GALNT2: variants seen among roughly 807,000 people sequenced by gnomAD.
GALNT2 encodes polypeptide N-acetylgalactosaminyltransferase 2, also known as UDP-GalNAc:polypeptide N-acetylgalactosaminyltransferase 2.
Under a neutral mutation model 81.4 loss-of-function variants are expected in GALNT2, and 31 were observed. That is an observed-to-expected ratio of 0.38 (90% CI 0.29 to 0.51). GALNT2 has a LOEUF of 0.51. Ranked by LOEUF, GALNT2 falls within the 20% of genes least tolerant of loss-of-function variation. The probability of loss-of-function intolerance (pLI) is 0.87; values close to 1 mark genes in which losing one functional copy is unlikely to be tolerated. For missense variants in GALNT2, 629 were observed against 765.7 expected (o/e 0.82, Z 2.11); for synonymous variants, 303 against 287.4 (o/e 1.05, Z -0.55).
chr1:230,152,395 G>A (rs574643626), intron 1 of GALNT2, among the ~76,000 whole-genome samples: 5 of 152,280 alleles, frequency 3.3e-5, no homozygotes, highest in African/African-American at 4.8e-5. Flanking sequence ...ATTGTAAGTT[G>A]TGACTCAGTA....
intron 3 of GALNT2, among the ~76,000 whole-genome samples, chr1:230,217,735 G>A (rs1433099788): frequency 1.3e-5 from 2 of 152,126 alleles, no homozygotes; most frequent in Non-Finnish European, 1.5e-5. Context: ...CTTCCAGAGG[G>A]GACAAATGCT....
intron 13 of GALNT2, 147 bp downstream of exon 13, chr1:230,263,152 G>T: frequency 1.5e-6 from 1 of 651,832 alleles, no homozygotes; most frequent in Non-Finnish European, 2.7e-6. Flanking sequence ...CTCACTCCAT[G>T]GTGTGGAGCT....
intron 2 of GALNT2, among the ~76,000 whole-genome samples, chr1:230,196,654 T>A (rs1189856188): frequency 6.6e-6 from 1 of 152,172 alleles, no homozygotes; most frequent in Non-Finnish European, 1.5e-5. Flanking sequence ...CACAGGCTTC[T>A]GCATTCTTGC....
At chr1:230,169,219 G>C (rs1662711281) in intron 1 of GALNT2, among the ~76,000 whole-genome samples, 1 of 152,194 alleles carries the variant, frequency 6.6e-6, no homozygotes, top group Admixed American at 6.5e-5. Context: ...GTAAAGGCTG[G>C]ACCCCCAGAT....
At chr1:230,200,432 C>CGG (rs1320321675) in intron 2 of GALNT2, among the ~76,000 whole-genome samples, 1 of 152,174 alleles carries the variant, frequency 6.6e-6, no homozygotes. Context: ...GCATGGGTCA[C>CGG]GGGCCTGTGT....
Position 230,243,280 on chromosome 1 carries a change from A to C in GALNT2, c.608-26A>C. ...CTGGCCCTGTGGCTTCTCTCTCCTG[A>C]CGTGCTTTCCAACTCGCCTCTGCAG... On this transcript the variant is annotated intron_variant, in intron 6 of 15. Coordinates refer to ENST00000366672, the MANE Select transcript of GALNT2 (RefSeq NM_004481.5). The surrounding 1 kb of genome is among the most constrained non-coding windows in gnomAD (Gnocchi z 4.2). The C allele has an allele frequency of 6.3e-7, 1 of 1,582,702 alleles. No individual in the cohort carries two copies. Among genetic ancestry groups the C allele is most frequent in the Non-Finnish European group, 8.6e-7 (1 of 1,166,840 alleles).
intron 3 of GALNT2, among the ~76,000 whole-genome samples, chr1:230,233,807 C>CA: frequency 6.6e-6 from 1 of 152,096 alleles, no homozygotes; most frequent in East Asian, 1.9e-4. Flanking sequence ...ATATGAGACT[C>CA]AAAGAAGGGC....
At chr1:230,089,551 C>T (rs911276375) in intron 1 of GALNT2, among the ~76,000 whole-genome samples, 1 of 152,120 alleles carries the variant, frequency 6.6e-6, no homozygotes, top group Non-Finnish European at 1.5e-5. Context: ...ACTCTGTACC[C>T]AAAAAACAGT....
At chr1:230,183,069 A>C (rs182653705) in intron 2 of GALNT2, among the ~76,000 whole-genome samples, 1 of 152,310 alleles carries the variant, frequency 6.6e-6, no homozygotes, top group African/African-American at 2.4e-5. Flanking sequence ...TAATATAGCT[A>C]TTCTTACTTT....
At chr1:230,165,243 T>G (rs1232274520) in intron 1 of GALNT2, among the ~76,000 whole-genome samples, 3 of 152,212 alleles carry the variant, frequency 2.0e-5, no homozygotes, top group Non-Finnish European at 4.4e-5. Flanking sequence ...ATATAGTTGT[T>G]TCATTGTGTA....
chr1:230,239,398 C>G (rs1453391606), intron 6 of GALNT2, among the ~76,000 whole-genome samples: 3 of 152,174 alleles, frequency 2.0e-5, no homozygotes, highest in Non-Finnish European at 4.4e-5. Flanking sequence ...GAAGCCAGTC[C>G]AAGTCCCAAA....
At chr1:230,220,273 G>A (rs1306750284) in intron 3 of GALNT2, among the ~76,000 whole-genome samples, 1 of 106,840 alleles carries the variant, frequency 9.4e-6, no homozygotes, top group Non-Finnish European at 1.7e-5. Flanking sequence ...TTTTTCCAAG[G>A]TGTTTTTGTT....
At chr1:230,242,072 A>T (rs1387935104) in intron 6 of GALNT2, among the ~76,000 whole-genome samples, 1 of 151,818 alleles carries the variant, frequency 6.6e-6, no homozygotes, top group Non-Finnish European at 1.5e-5. Flanking sequence ...GAAGCTCTGA[A>T]CTCTCTATCC....
intron 1 of GALNT2, among the ~76,000 whole-genome samples, chr1:230,107,488 G>C (rs983598445): frequency 6.6e-6 from 1 of 152,072 alleles, no homozygotes; most frequent in Non-Finnish European, 1.5e-5. Context: ...GCTGAGACGG[G>C]AGCATTGCTT....
intron 3 of GALNT2, among the ~76,000 whole-genome samples, chr1:230,206,949 T>C (rs1427954302): frequency 6.6e-6 from 1 of 151,912 alleles, no homozygotes; most frequent in African/African-American, 2.4e-5. Flanking sequence ...TTGACCATCT[T>C]CCCTAGGAGT....
chr1:230,276,584 C>T (rs572469849), intron 15 of GALNT2, among the ~76,000 whole-genome samples: 12 of 152,298 alleles, frequency 7.9e-5, no homozygotes, highest in African/African-American at 1.9e-4. Context: ...GTCAGGGAGA[C>T]GCCTGCAGAG....
In GALNT2 at chr1:230,158,965, CTGCAGCAATTTATTA is replaced by C. The variant is rs1445140316; in HGVS notation, c.127-19251_127-19237del. Among the ~76,000 whole-genome samples, 8 of 152,268 alleles carry C rather than the reference CTGCAGCAATTTATTA, an allele frequency of 5.3e-5. No individual in the cohort carries two copies. The East Asian group carries it at 1.4e-3, about 26-fold the overall frequency. On this transcript the variant is annotated intron_variant, in intron 1 of 15. Coordinates refer to ENST00000366672, the MANE Select transcript of GALNT2 (RefSeq NM_004481.5). ...ATGCCGCTTTGGATTTCAGTGGCCT[CTGCAGCAATTTATTA>C]TTCTTACATCAGATGTTTGAAGTAG...
At chr1:230,108,509 A>G (rs1206963116) in intron 1 of GALNT2, among the ~76,000 whole-genome samples, 2 of 152,244 alleles carry the variant, frequency 1.3e-5, no homozygotes, top group African/African-American at 4.8e-5. Flanking sequence ...GTCGAGGAGC[A>G]TCCATCCCTG....
chr1:230,122,468 T>C (rs1485575942), intron 1 of GALNT2, among the ~76,000 whole-genome samples: 2 of 152,152 alleles, frequency 1.3e-5, no homozygotes, highest in Admixed American at 1.3e-4. Context: ...AATCATAGCA[T>C]GTTGGGACAA....
Sources: gnomAD v4.1 joint callset for allele counts (sites outside exome capture counted in the v4.1 genomes callset) on GRCh38, gnomAD v4.1.1 for gene constraint, Gnocchi (gnomAD v3.1) non-coding constraint, MANE v1.5 for transcripts, NCBI Gene and HGNC (gene_info 2026-07-23, HGNC 2026-07-21) for gene names.